EPHA8: variants seen among roughly 807,000 people sequenced by gnomAD.
The protein encoded by EPHA8 is EPH receptor A8, also known as ephrin type-A receptor 8.
EPHA8 carries 58 observed loss-of-function variants against 103.6 expected under a neutral mutation model. The observed-to-expected ratio is 0.56, with a 90% CI of 0.45 to 0.70. The LOEUF is 0.70. Among genes scored for constraint, EPHA8 ranks in the 30% least tolerant of loss-of-function variants. EPHA8 has a pLI of 0.00. For synonymous variants in EPHA8, 559 were observed against 572.5 expected (o/e 0.98, Z 0.34); for missense variants, 1,304 against 1,395.2 (o/e 0.93, Z 1.04).
At position 22,589,054 on chromosome 1, in the gene EPHA8, A is replaced by G; in HGVS notation, c.1163A>G (p.Gln388Arg). The G allele has an allele frequency of 6.2e-7, 1 of 1,613,062 alleles. No homozygotes were observed. Among genetic ancestry groups the G allele is most frequent in the Non-Finnish European group, 8.5e-7 (1 of 1,179,622 alleles). Residue 388 changes from glutamine (Q) to arginine (R), a missense_variant, in exon 5 of 17, where the codon CAG (glutamine) becomes CGG (arginine). Coordinates refer to ENST00000166244, the MANE Select transcript of EPHA8 (RefSeq NM_020526.5). This position sits in a 1 kb window ranked among gnomAD's most constrained non-coding sequence, Gnocchi z 4.3. ...ACGSGTRFVP[Q>R]QTSLVQASLL... Reference sequence around the variant, plus strand: ...GGGAGCGGCACCCGCTTTGTGCCCCAGCAGACAAGCCTGGTGCAGGCCAGC... The same window carrying G: ...GGGAGCGGCACCCGCTTTGTGCCCCGGCAGACAAGCCTGGTGCAGGCCAGC...
Position 22,598,694 on chromosome 1 carries a change from A to G in EPHA8, c.2179-144A>G. On this transcript the variant is annotated intron_variant, in intron 12 of 16. Coordinates refer to ENST00000166244, the MANE Select transcript of EPHA8 (RefSeq NM_020526.5). This position sits in a 1 kb window ranked among gnomAD's most constrained non-coding sequence, Gnocchi z 5.1. ...ACCAGGAGAATAACCCTTAACTGCA[A>G]AGTGCTTCAGAAGTAGTGGCGCACT... The G allele has an allele frequency of 2.6e-6, 2 of 776,744 alleles. No homozygotes were observed. Among genetic ancestry groups the G allele is most frequent in the Non-Finnish European group, 2.1e-6 (1 of 480,288 alleles). The allele number at this position is 776,744 out of a possible 1,614,324, so 48.1% of individuals were successfully genotyped here. A position where few individuals can be genotyped will look rare whatever the true frequency, so the allele number is the denominator to read the frequency against.
intron 3 of EPHA8, among the ~76,000 whole-genome samples, chr1:22,578,119 A>ACTATGTATGCATGT: frequency 3.0e-5 from 1 of 33,754 alleles, no homozygotes; most frequent in South Asian, 9.9e-4. Context: ...TGTGTGCGTG[A>ACTATGTATGCATGT]GTGTATGCAT....
Position 22,588,899 on chromosome 1 carries a change from C to G in EPHA8, c.1008C>G (p.Ile336Met). 2.5e-6 allele frequency: 4 copies of G among 1,600,570 alleles called. No individual in the cohort carries two copies. The highest frequency in any genetic ancestry group is 3.4e-6 in the Non-Finnish European group (4 of 1,175,588). ...CACCCTCGGCACCAGTGAACCTGATCTCCAGTGTGAATGGGACATCAGTGA... is the reference window on the plus strand; with the variant it reads ...CACCCTCGGCACCAGTGAACCTGATGTCCAGTGTGAATGGGACATCAGTGA... ...TRPPSAPVNLISSVNGTSVTL... is the reference protein window; with the variant it reads ...TRPPSAPVNLMSSVNGTSVTL... The change falls in exon 5 of 17, where the codon ATC (isoleucine) becomes ATG (methionine). Residue 336 changes from isoleucine to methionine, a missense_variant. Ile to Met is a conservative substitution (Grantham distance 10). Coordinates refer to ENST00000166244, the MANE Select transcript of EPHA8 (RefSeq NM_020526.5).
At position 22,563,874 on chromosome 1, in the gene EPHA8, G is replaced by A. The variant is rs1216695869; in HGVS notation, c.94+145G>A. 1.3e-5 allele frequency: 2 copies of A among 152,812 alleles called. No individual in the cohort carries two copies. The allele number at this position is 152,812 out of a possible 1,614,324, so 9.5% of individuals were successfully genotyped here. On this transcript the variant is annotated intron_variant, in intron 1 of 16. Transcript: ENST00000166244. The surrounding 1 kb of genome is among the most constrained non-coding windows in gnomAD (Gnocchi z 4.4). ...GGCCCGGGGGGCGGGGTGGCACCGC[G>A]GAAGAGACCCGGGATTAAGGGACAG...
intron 13 of EPHA8, 92 bp downstream of exon 13, chr1:22,599,139 T>C: frequency 1.4e-6 from 2 of 1,406,270 alleles, no homozygotes; most frequent in Non-Finnish European, 1.9e-6. Flanking sequence ...AGTAGCTGAA[T>C]GAAGTTGGCA....
chr1:22,577,518 C>T (rs1323465585), intron 3 of EPHA8, among the ~76,000 whole-genome samples: 1 of 152,110 alleles, frequency 6.6e-6, no homozygotes, highest in African/African-American at 2.4e-5. Flanking sequence ...AAGCCAGGGA[C>T]ACCCAGGGAG....
Position 22,576,752 on chromosome 1 carries a change from A to G in EPHA8, c.695A>G (p.Gln232Arg), listed in dbSNP as rs1223268633. 5 of 1,613,778 alleles carry G rather than the reference A, an allele frequency of 3.1e-6. No homozygotes were observed. Among genetic ancestry groups the G allele is most frequent in the Non-Finnish European group, 4.2e-6 (5 of 1,180,042 alleles). ...DSSSLVEVRG[Q>R]CVRHSEERDT... Reference sequence around the variant, plus strand: ...TCCTCACTGGTGGAGGTGAGGGGCCAGTGCGTGCGGCACTCAGAGGAGCGG... The same window carrying G: ...TCCTCACTGGTGGAGGTGAGGGGCCGGTGCGTGCGGCACTCAGAGGAGCGG... Residue 232 changes from glutamine (Q) to arginine (R), a missense_variant, in exon 3 of 17, where the codon CAG becomes CGG. By Grantham distance (43) the Gln-to-Arg change is conservative (BLOSUM62 1). Coordinates refer to ENST00000166244, the MANE Select transcript of EPHA8 (RefSeq NM_020526.5). This position sits in a 1 kb window ranked among gnomAD's most constrained non-coding sequence, Gnocchi z 4.8.
Position 22,598,083 on chromosome 1 carries a change from C to T in EPHA8, c.2117-68C>T. 1.3e-6 allele frequency: 2 copies of T among 1,547,746 alleles called. No homozygotes were observed. The highest frequency in any genetic ancestry group is 1.8e-6 in the Non-Finnish European group (2 of 1,120,892). On this transcript the variant is annotated intron_variant, in intron 11 of 16. Transcript: ENST00000166244. This position sits in a 1 kb window ranked among gnomAD's most constrained non-coding sequence, Gnocchi z 5.1. ...ACAGGTCCTGAGATGGTGGTATGCT[C>T]CTGGGGTCTCTGATCAGCAGCCCTG...
intron 13 of EPHA8, among the ~76,000 whole-genome samples, chr1:22,600,360 G>GGGAAGAGAA (rs1004236689): frequency 6.6e-6 from 1 of 151,942 alleles, no homozygotes; most frequent in African/African-American, 2.4e-5. Flanking sequence ...AAGGAAGTGG[G>GGGAAGAGAA]GGAAGAGAAG....
chr1:22,579,064 T>G, intron 3 of EPHA8, among the ~76,000 whole-genome samples: 1 of 151,434 alleles, frequency 6.6e-6, no homozygotes, highest in Non-Finnish European at 1.5e-5. Flanking sequence ...CATGTATGTA[T>G]GCATGTGTGT....
chr1:22,584,282 C>T (rs1002437521), intron 3 of EPHA8, among the ~76,000 whole-genome samples: 1 of 152,184 alleles, frequency 6.6e-6, no homozygotes, highest in Non-Finnish European at 1.5e-5. Flanking sequence ...AGTCAAGACT[C>T]CTCACGACTC....
chr1:22,595,112 C>T, intron 7 of EPHA8, 118 bp from the exon 8 acceptor site: 2 of 753,152 alleles, frequency 2.7e-6, no homozygotes, highest in South Asian at 2.3e-5. Context: ...TGGCTCATGG[C>T]TCTGGGCTCC....
At chr1:22,599,624 GGGAA>G (rs1449889838) in intron 13 of EPHA8, among the ~76,000 whole-genome samples, 9 of 90,488 alleles carry the variant, frequency 9.9e-5, no homozygotes, top group African/African-American at 2.1e-4. Context: ...GGAGGAAGAA[GGGAA>G]GGAAGGAAGG....
intron 3 of EPHA8, among the ~76,000 whole-genome samples, chr1:22,580,127 CTTTTTTTTTTTTT>C (rs764600240): frequency 0.013 from 1,233 of 97,438 alleles, 15 homozygotes; most frequent in Middle Eastern, 0.032. Flanking sequence ...CTTTCTTTCT[CTTTTTTTTTTTTT>C]TTTTTTTTTT....
chr1:22,568,666 C>G (rs776413999), intron 1 of EPHA8, among the ~76,000 whole-genome samples: 1 of 152,250 alleles, frequency 6.6e-6, no homozygotes, highest in Non-Finnish European at 1.5e-5. Flanking sequence ...GCTCTTACCC[C>G]GCTAAGCCCC....
intron 3 of EPHA8, among the ~76,000 whole-genome samples, chr1:22,577,458 G>T (rs1165814210): frequency 6.6e-6 from 1 of 152,166 alleles, no homozygotes; most frequent in Non-Finnish European, 1.5e-5. Context: ...CTGTAGGGTG[G>T]AGGGAAGTGG....
chr1:22,578,691 G>A (rs1185843278), intron 3 of EPHA8, among the ~76,000 whole-genome samples: 12 of 133,244 alleles, frequency 9.0e-5, no homozygotes, highest in Non-Finnish European at 1.9e-4. Context: ...ATGAGTGTAT[G>A]TGTGCCTGTG....
chr1:22,573,188 G>A (rs907705594), intron 2 of EPHA8, among the ~76,000 whole-genome samples: 2 of 152,178 alleles, frequency 1.3e-5, no homozygotes, highest in Non-Finnish European at 2.9e-5. Flanking sequence ...TGAGGCTGGC[G>A]CTCCCTGGGG....
At chr1:22,578,215 T>G (rs1346745094) in intron 3 of EPHA8, among the ~76,000 whole-genome samples, 1 of 122,140 alleles carries the variant, frequency 8.2e-6, no homozygotes, top group Non-Finnish European at 1.9e-5. Flanking sequence ...AGTGTGTGCG[T>G]GTGAGTGTGC....
Sources: gnomAD v4.1 joint callset for allele counts (sites outside exome capture counted in the v4.1 genomes callset) on GRCh38, gnomAD v4.1.1 for gene constraint, Gnocchi (gnomAD v3.1) non-coding constraint, MANE v1.5 for transcripts, NCBI Gene and HGNC (gene_info 2026-07-23, HGNC 2026-07-21) for gene names.